CNTNAP2: variants seen among roughly 807,000 people sequenced by gnomAD.
The protein encoded by CNTNAP2 is contactin-associated protein-like 2.
A neutral mutation model predicts 155.2 loss-of-function variants in CNTNAP2; 98 were observed. That is an observed-to-expected ratio of 0.63 (90% confidence interval 0.54 to 0.75). The LOEUF (loss-of-function observed/expected upper bound fraction) is 0.75, where lower values mean the gene tolerates loss of function less well. Among genes scored for constraint, CNTNAP2 ranks in the 30% least tolerant of loss-of-function variants. The probability of loss-of-function intolerance (pLI) is 0.00; values close to 1 mark genes in which losing one functional copy is unlikely to be tolerated. For synonymous variants in CNTNAP2, 651 were observed against 631.2 expected, an observed-to-expected ratio of 1.03 and a Z score of -0.47; for missense variants, 1,727 against 1,688.1, an observed-to-expected ratio of 1.02 and a Z score of -0.40.
intron 15 of CNTNAP2, among the ~76,000 whole-genome samples, chr7:147,984,571 G>A (rs1563157680): frequency 6.6e-6 from 1 of 152,046 alleles, no homozygotes; most frequent in African/African-American, 2.4e-5. Flanking sequence ...TTATGCTCTC[G>A]GGGAGTGGCT....
chr7:147,385,699 C>T lies in CNTNAP2; in HGVS notation c.1499-9910C>T, dbSNP rs1036767458. ...CAAGGTATAGCCCCCTTCCTGGCTG[C>T]TTTCAAGAGCTGGTGTTGAGTCTGT... On this transcript the variant is annotated intron_variant, in intron 9 of 23. Coordinates refer to ENST00000361727, the MANE Select transcript of CNTNAP2 (RefSeq NM_014141.6). Among the ~76,000 whole-genome samples the T allele has an allele frequency of 1.8e-4, 28 of 152,216 alleles. 1 individual carries two copies. Among genetic ancestry groups the T allele is most frequent in the African/African-American group, 6.5e-4 (27 of 41,462 alleles).
chr7:148,058,320 A>G (rs911297514), intron 15 of CNTNAP2, among the ~76,000 whole-genome samples: 1 of 152,106 alleles, frequency 6.6e-6, no homozygotes, highest in Admixed American at 6.6e-5. Context: ...TGCCTATCCC[A>G]GCAGCATCTG....
At chr7:147,492,347 C>T (rs756691063) in intron 11 of CNTNAP2, among the ~76,000 whole-genome samples, 3 of 152,292 alleles carry the variant, frequency 2.0e-5, no homozygotes, top group East Asian at 1.9e-4. Context: ...CAGTTACTAA[C>T]GGGTTGGGGA....
chr7:147,402,869 C>T (rs763484461), intron 10 of CNTNAP2, among the ~76,000 whole-genome samples: 3 of 150,622 alleles, frequency 2.0e-5, no homozygotes, highest in Admixed American at 6.6e-5. Context: ...TAAGTCTCTG[C>T]TGTATAAACC....
chr7:146,686,740 ATTACT>A (rs974773376), intron 1 of CNTNAP2, among the ~76,000 whole-genome samples: 10 of 152,218 alleles, frequency 6.6e-5, no homozygotes, highest in Admixed American at 5.9e-4. Flanking sequence ...CATAAGAAAC[ATTACT>A]TGACTTACTT....
intron 13 of CNTNAP2, among the ~76,000 whole-genome samples, chr7:147,901,024 T>C (rs1342491013): frequency 6.6e-6 from 1 of 152,138 alleles, no homozygotes; most frequent in Non-Finnish European, 1.5e-5. Flanking sequence ...CCTACCTTCA[T>C]GGAGCATAGT....
chr7:147,517,136 C>T (rs1799142968), intron 11 of CNTNAP2, among the ~76,000 whole-genome samples: 1 of 151,818 alleles, frequency 6.6e-6, no homozygotes, highest in African/African-American at 2.4e-5. Flanking sequence ...TCCCAAGGTA[C>T]TAGGATTACA....
At chr7:147,509,915 A>AG (rs1439632419) in intron 11 of CNTNAP2, among the ~76,000 whole-genome samples, 2 of 152,112 alleles carry the variant, frequency 1.3e-5, no homozygotes, top group Non-Finnish European at 2.9e-5. Context: ...CAGTCAATCC[A>AG]ACAGTTCTAT....
intron 21 of CNTNAP2, among the ~76,000 whole-genome samples, chr7:148,315,887 A>C (rs1412155028): frequency 6.8e-6 from 1 of 146,010 alleles, no homozygotes; most frequent in Non-Finnish European, 1.5e-5. Context: ...GTGTTCTTTC[A>C]ACAATGTACA....
intron 1 of CNTNAP2, among the ~76,000 whole-genome samples, chr7:146,194,868 A>G (rs915269319): frequency 1.3e-5 from 2 of 152,228 alleles, no homozygotes; most frequent in African/African-American, 4.8e-5. Context: ...AAATGACAGA[A>G]CTGGGTCTGG....
intron 14 of CNTNAP2, among the ~76,000 whole-genome samples, chr7:147,953,025 C>A (rs560940717): frequency 6.6e-6 from 1 of 152,118 alleles, no homozygotes; most frequent in Non-Finnish European, 1.5e-5. Context: ...TAAGTTCTGG[C>A]GTAATGAGTT....
At chr7:147,549,377 T>G (rs946973286) in intron 11 of CNTNAP2, among the ~76,000 whole-genome samples, 5 of 152,186 alleles carry the variant, frequency 3.3e-5, no homozygotes, top group African/African-American at 1.2e-4. Context: ...GAGTGGGAGT[T>G]CATTCATGAT....
chr7:146,156,501 C>T (rs574899008), intron 1 of CNTNAP2, among the ~76,000 whole-genome samples: 1 of 152,152 alleles, frequency 6.6e-6, no homozygotes, highest in Non-Finnish European at 1.5e-5. Flanking sequence ...CAACTTTCGC[C>T]TATGCTAAAC....
intron 3 of CNTNAP2, among the ~76,000 whole-genome samples, chr7:146,902,979 T>C (rs1046657851): frequency 6.6e-6 from 1 of 152,198 alleles, no homozygotes; most frequent in African/African-American, 2.4e-5. Flanking sequence ...GAGTAGAGCA[T>C]GCAGACTGCC....
intron 1 of CNTNAP2, among the ~76,000 whole-genome samples, chr7:146,714,057 T>G (rs1050543385): frequency 1.3e-5 from 2 of 152,166 alleles, no homozygotes; most frequent in African/African-American, 4.8e-5. Context: ...TTTTATATGA[T>G]TACTGCTCTC....
At chr7:146,838,736 GATT>G (rs531653109) in intron 2 of CNTNAP2, among the ~76,000 whole-genome samples, 197 of 152,306 alleles carry the variant, frequency 1.3e-3, no homozygotes, top group Non-Finnish European at 1.8e-3. Context: ...TTTATGAAAT[GATT>G]ATTATGAACG....
intron 11 of CNTNAP2, among the ~76,000 whole-genome samples, chr7:147,556,083 C>T (rs1799946528): frequency 6.6e-6 from 1 of 152,136 alleles, no homozygotes; most frequent in Non-Finnish European, 1.5e-5. Context: ...TCTGTCACAT[C>T]GTCTGCTTGG....
At chr7:146,206,676 T>C (rs1387927741) in intron 1 of CNTNAP2, among the ~76,000 whole-genome samples, 1 of 151,942 alleles carries the variant, frequency 6.6e-6, no homozygotes, top group Non-Finnish European at 1.5e-5. Flanking sequence ...ACTGCAAGGT[T>C]AAAATGATGA....
intron 1 of CNTNAP2, among the ~76,000 whole-genome samples, chr7:146,693,709 T>C (rs1392552597): frequency 6.6e-6 from 1 of 152,154 alleles, no homozygotes. Flanking sequence ...TATTTTAAGA[T>C]TGAAAAGCAG....
Sources: gnomAD v4.1 joint callset for allele counts (sites outside exome capture counted in the v4.1 genomes callset) on GRCh38, gnomAD v4.1.1 for gene constraint, MANE v1.5 for transcripts, NCBI Gene and HGNC (gene_info 2026-07-23, HGNC 2026-07-21) for gene names.